The following DPYD variants were observed in gnomAD, a reference collection of about 807,000 sequenced individuals.
DPYD encodes the protein dihydropyrimidine dehydrogenase [NADP(+)].
Under a neutral mutation model 116.2 loss-of-function variants are expected in DPYD, and 109 were observed. The observed-to-expected ratio is 0.94, with a 90% CI of 0.80 to 1.10. DPYD has a LOEUF of 1.10. Among genes scored for constraint, DPYD ranks in the 50% least tolerant of loss-of-function variants. The pLI is 0.00. For synonymous variants in DPYD, 440 were observed against 432.0 expected, an observed-to-expected ratio of 1.02 and a Z score of -0.23; for missense variants, 1,302 against 1,254.5, an observed-to-expected ratio of 1.04 and a Z score of -0.57.
intron 3 of DPYD, among the ~76,000 whole-genome samples, chr1:97,761,154 TC>T (rs1665551644): frequency 6.6e-6 from 1 of 152,054 alleles, no homozygotes; most frequent in Admixed American, 6.6e-5. Flanking sequence ...GTTGAGGCAA[TC>T]ACAGAGTTGT....
chr1:97,853,538 C>T (rs1324583417), intron 2 of DPYD, among the ~76,000 whole-genome samples: 4 of 152,136 alleles, frequency 2.6e-5, no homozygotes, highest in African/African-American at 9.6e-5. Context: ...CTACATGTGG[C>T]CTAGAGTCTA....
At chr1:97,479,416 G>C (rs544578651) in intron 13 of DPYD, among the ~76,000 whole-genome samples, 2 of 152,130 alleles carry the variant, frequency 1.3e-5, no homozygotes, top group Admixed American at 1.3e-4. Context: ...AGGAACAGCC[G>C]GTTGGTAGAG....
At chr1:97,256,378 G>C (rs1663466497) in intron 18 of DPYD, among the ~76,000 whole-genome samples, 1 of 151,780 alleles carries the variant, frequency 6.6e-6, no homozygotes, top group Admixed American at 6.6e-5. Context: ...TTGAATTGTA[G>C]CTTCCACAAT....
chr1:97,178,724 C>T (rs1557916295), intron 20 of DPYD, among the ~76,000 whole-genome samples: 1 of 152,154 alleles, frequency 6.6e-6, no homozygotes, highest in African/African-American at 2.4e-5. Context: ...CCTTTGGAAA[C>T]AGTTACAAGT....
chr1:97,785,363 T>C (rs1202006709), intron 3 of DPYD, among the ~76,000 whole-genome samples: 2 of 152,220 alleles, frequency 1.3e-5, no homozygotes, highest in African/African-American at 2.4e-5. Flanking sequence ...GTGTTCTTCA[T>C]ACTGTCATAC....
At chr1:97,671,933 G>A (rs868286747) in intron 8 of DPYD, among the ~76,000 whole-genome samples, 21 of 144,840 alleles carry the variant, frequency 1.4e-4, no homozygotes, top group Admixed American at 1.4e-4. Context: ...ATTTATTTAC[G>A]TATTTATCTA....
chr1:97,384,528 G>C (rs954374488), intron 14 of DPYD, among the ~76,000 whole-genome samples: 3 of 152,104 alleles, frequency 2.0e-5, no homozygotes, highest in African/African-American at 7.2e-5. Flanking sequence ...GGAGCAAGGG[G>C]TTGCATTATC....
chr1:97,641,028 C>T (rs939421287), intron 8 of DPYD, among the ~76,000 whole-genome samples: 2 of 152,138 alleles, frequency 1.3e-5, no homozygotes, highest in Non-Finnish European at 2.9e-5. Context: ...GAGCCATAGG[C>T]TCCCAGTTTT....
chr1:97,294,366 A>G (rs1394275672), intron 18 of DPYD, among the ~76,000 whole-genome samples: 1 of 151,722 alleles, frequency 6.6e-6, no homozygotes, highest in Non-Finnish European at 1.5e-5. Flanking sequence ...CTCCTTTTTC[A>G]CTTCAGAAAG....
intron 12 of DPYD, among the ~76,000 whole-genome samples, chr1:97,534,078 T>C (rs893495828): frequency 4.6e-5 from 7 of 152,156 alleles, no homozygotes; most frequent in African/African-American, 1.7e-4. Flanking sequence ...TTCCAAAACC[T>C]ACCCATTGTT....
intron 10 of DPYD, among the ~76,000 whole-genome samples, chr1:97,587,746 C>A (rs1362204895): frequency 6.6e-6 from 1 of 150,776 alleles, no homozygotes; most frequent in Non-Finnish European, 1.5e-5. Flanking sequence ...ATGGCGTGAA[C>A]CCGGGAGGCA....
At chr1:97,385,708 G>T (rs548037283) in intron 14 of DPYD, among the ~76,000 whole-genome samples, 1 of 152,172 alleles carries the variant, frequency 6.6e-6, no homozygotes, top group South Asian at 2.1e-4. Context: ...CAGAGGACAA[G>T]AAAAACCTTT....
At chr1:97,645,320 G>A (rs567927442) in intron 8 of DPYD, among the ~76,000 whole-genome samples, 1 of 152,212 alleles carries the variant, frequency 6.6e-6, no homozygotes, top group African/African-American at 2.4e-5. Context: ...TAAAATGGTA[G>A]GTCAGGGAGT....
intron 13 of DPYD, among the ~76,000 whole-genome samples, chr1:97,507,067 G>C (rs945379532): frequency 6.6e-6 from 1 of 151,988 alleles, no homozygotes. Context: ...CGTCATAGAA[G>C]AGCTTGCTAA....
At chr1:97,165,804 C>T (rs1249774354) in intron 20 of DPYD, among the ~76,000 whole-genome samples, 2 of 151,910 alleles carry the variant, frequency 1.3e-5, no homozygotes, top group Non-Finnish European at 2.9e-5. Flanking sequence ...ATGTGGCCAA[C>T]AAGTATATGA....
At chr1:97,550,065 A>AT (rs1179451281) in intron 11 of DPYD, among the ~76,000 whole-genome samples, 1 of 152,050 alleles carries the variant, frequency 6.6e-6, no homozygotes, top group Non-Finnish European at 1.5e-5. Context: ...TACAAAATAC[A>AT]TTTTTCTAAA....
In DPYD at chr1:97,920,997, T is replaced by C. The variant is rs550078641; in HGVS notation, c.-75A>G. 1.3e-6 allele frequency: 2 copies of C among 1,535,708 alleles called. No individual in the cohort carries two copies. The highest frequency in any genetic ancestry group is 1.4e-5 in the African/African-American group (1 of 72,642). ...CTCAAGCTCCAGCCAGAGAGCCAAGTGACAGCAGCCGGAGCGCGAGTCGAA... is the reference window on the plus strand; with the variant it reads ...CTCAAGCTCCAGCCAGAGAGCCAAGCGACAGCAGCCGGAGCGCGAGTCGAA... On this transcript the variant is annotated 5_prime_UTR_variant, in exon 1 of 23. Transcript: ENST00000370192.
chr1:97,366,278 T>C (rs1388360246), intron 16 of DPYD, among the ~76,000 whole-genome samples: 1 of 152,160 alleles, frequency 6.6e-6, no homozygotes, highest in Non-Finnish European at 1.5e-5. Flanking sequence ...TAAAGCAGAT[T>C]TTTTTTGATT....
chr1:97,199,703 A>T (rs1338719939), intron 19 of DPYD, among the ~76,000 whole-genome samples: 1 of 152,008 alleles, frequency 6.6e-6, no homozygotes, highest in East Asian at 1.9e-4. Context: ...GTCATCTGGC[A>T]GCTGTGTAAC....
Sources: gnomAD v4.1 joint callset for allele counts (sites outside exome capture counted in the v4.1 genomes callset) on GRCh38, gnomAD v4.1.1 for gene constraint, MANE v1.5 for transcripts, NCBI Gene and HGNC (gene_info 2026-07-23, HGNC 2026-07-21) for gene names.